Variants in POLA1 observed in about 807,000 individuals in gnomAD.
POLA1 encodes DNA polymerase alpha catalytic subunit.
In POLA1, 15 loss-of-function variants were observed where a neutral mutation model predicts 124.0. That is an observed-to-expected ratio of 0.12 (90% CI 0.08 to 0.19). The LOEUF (loss-of-function observed/expected upper bound fraction) is 0.19. POLA1 is among the 10% of genes least tolerant of loss of function. POLA1 has a pLI of 1.00. For synonymous variants in POLA1, 408 were observed against 389.4 expected, an observed-to-expected ratio of 1.05 and a Z score of -0.56; for missense variants, 886 against 1,103.4, an observed-to-expected ratio of 0.80 and a Z score of 2.79.
At chrX:24,750,055 C>T (rs1343533489) in intron 26 of POLA1, among the ~76,000 whole-genome samples, 3 of 111,656 alleles carry the variant, frequency 2.7e-5, no homozygotes, top group Non-Finnish European at 5.6e-5. Context: ...GCCATCGGGG[C>T]AAATGCAGCC....
At chrX:24,728,389 A>G (rs1365132467) in intron 15 of POLA1, among the ~76,000 whole-genome samples, 1 of 112,013 alleles carries the variant, frequency 8.9e-6, no homozygotes, top group Non-Finnish European at 1.9e-5. Flanking sequence ...TAGCACACCT[A>G]ATAACATTAA....
chrX:24,717,315 A>G lies in POLA1; in HGVS notation c.732A>G (p.Thr244=). The change falls in exon 9 of 37, where the codon ACA becomes ACG. Residue 244 remains threonine (T), a synonymous_variant. Transcript: ENST00000379068. The stretch of plus-strand genomic sequence containing the variant: ...GCGATGATGTACAGGTCGAGAGTAC[A>G]GAAGAAGAGCAGGAGTCAGGGGCAA... ...FAGDDVQVES[T]EEEQESGAME... is the part of the protein sequence containing the mutation. 8.3e-7 allele frequency: 1 copy of G among 1,210,292 alleles called. No homozygotes were observed. The highest frequency in any genetic ancestry group is 3.0e-5 in the East Asian group (1 of 33,836).
At chrX:24,970,230 G>T (rs898297793) in intron 36 of POLA1, among the ~76,000 whole-genome samples, 3 of 111,978 alleles carry the variant, frequency 2.7e-5, no homozygotes, top group African/African-American at 9.7e-5. Context: ...TTAATAAATG[G>T]TGCTGGGAGA....
chrX:24,900,556 G>A (rs2047264613), intron 35 of POLA1, among the ~76,000 whole-genome samples: 1 of 112,301 alleles, frequency 8.9e-6, no homozygotes, highest in African/African-American at 3.2e-5. Context: ...ACTGTGAAAT[G>A]TGTAACAAAA....
intron 29 of POLA1, among the ~76,000 whole-genome samples, chrX:24,814,014 T>C (rs899382928): frequency 9.0e-6 from 1 of 111,583 alleles, no homozygotes; most frequent in African/African-American, 3.3e-5. Flanking sequence ...CAATTATTGC[T>C]TCTGCAAAAC....
intron 16 of POLA1, among the ~76,000 whole-genome samples, chrX:24,733,206 G>C (rs776712389): frequency 5.2e-4 from 58 of 111,970 alleles, no homozygotes; most frequent in Non-Finnish European, 4.7e-4. Flanking sequence ...TTGTTGTGAA[G>C]TTTTCCCCCT....
intron 10 of POLA1, among the ~76,000 whole-genome samples, chrX:24,720,176 C>T (rs1001764360): frequency 3.6e-5 from 4 of 112,020 alleles, no homozygotes; most frequent in Non-Finnish European, 7.5e-5. Flanking sequence ...GGAATGTGCT[C>T]ATCTGACTCA....
intron 34 of POLA1, among the ~76,000 whole-genome samples, chrX:24,880,095 C>G (rs745305741): frequency 9.0e-6 from 1 of 111,459 alleles, no homozygotes; most frequent in Non-Finnish European, 1.9e-5. Flanking sequence ...AATATACAAT[C>G]GCTGAGGCTG....
At position 24,812,809 on chromosome X, in the gene POLA1, A is replaced by G; in HGVS notation, c.3242A>G (p.Lys1081Arg). 1 of 1,206,012 alleles carries G rather than the reference A, an allele frequency of 8.3e-7. No individual in the cohort carries two copies. Among genetic ancestry groups the G allele is most frequent in the Non-Finnish European group, 1.1e-6 (1 of 890,444 alleles). ...AATTATGTCACCAAACAGGAGCTCA[A>G]AGGATTAGATATAGTTAGAAGAGAT... The part of the protein sequence containing the change: ...DGNYVTKQEL[K>R]GLDIVRRDWC... The change falls in exon 29 of 37, where the codon AAA (lysine) becomes AGA (arginine). Residue 1081 changes from lysine to arginine, a missense_variant. By Grantham distance (26) the Lys-to-Arg change is conservative. Transcript: ENST00000379068.
chrX:24,715,718 G>A (rs1474972643), intron 6 of POLA1, among the ~76,000 whole-genome samples: 1 of 111,827 alleles, frequency 8.9e-6, no homozygotes, highest in African/African-American at 3.2e-5. Flanking sequence ...TGTTAGAGCT[G>A]TGTGATTATG....
intron 34 of POLA1, among the ~76,000 whole-genome samples, chrX:24,848,726 A>C (rs2046508345): frequency 8.9e-6 from 1 of 112,245 alleles, no homozygotes; most frequent in East Asian, 2.8e-4. Flanking sequence ...ACAATACTTG[A>C]AAAAGGGTAA....
At chrX:24,707,308 C>G (rs1000081341) in intron 4 of POLA1, among the ~76,000 whole-genome samples, 7 of 112,334 alleles carry the variant, frequency 6.2e-5, no homozygotes, top group Non-Finnish European at 9.4e-5. Flanking sequence ...GTGAGCTTCT[C>G]AAAGAAAGGA....
intron 35 of POLA1, among the ~76,000 whole-genome samples, chrX:24,898,002 G>C (rs1490534327): frequency 8.9e-6 from 1 of 112,353 alleles, no homozygotes; most frequent in Non-Finnish European, 1.9e-5. Flanking sequence ...ATTGTGCCCA[G>C]ATTAAATGGG....
At position 24,735,735 on chromosome X, in the gene POLA1, C is replaced by A. The variant is rs527989956; in HGVS notation, c.1923+247C>A. On this transcript the variant is annotated intron_variant, in intron 18 of 36. Transcript: ENST00000379068. ...GTTAAGGATTGTCTGGCTATTTATG[C>A]TTAGAGACCAGCACATAAATAAGTA... Among the ~76,000 whole-genome samples the A allele has an allele frequency of 6.3e-5, 7 of 111,211 alleles. No homozygotes were observed. In the South Asian group the frequency reaches 2.7e-3, roughly 42 times the overall value.
intron 17 of POLA1, 135 bp downstream of exon 17, chrX:24,733,951 C>T: frequency 5.1e-6 from 2 of 393,565 alleles, no homozygotes; most frequent in Admixed American, 9.2e-5. Context: ...GACATCGACC[C>T]ATTAAAATGT....
chrX:24,954,418 A>G (rs1262965746), intron 36 of POLA1, among the ~76,000 whole-genome samples: 3 of 112,172 alleles, frequency 2.7e-5, no homozygotes, highest in Non-Finnish European at 5.6e-5. Flanking sequence ...TAGATTCGTC[A>G]CTCTTGGCTT....
Position 24,826,592 on chromosome X carries a change from A to T in POLA1, c.3727A>T (p.Thr1243Ser). Residue 1243 changes from threonine to serine, a missense_variant, in exon 32 of 37, where the codon ACG becomes TCG. Coordinates refer to ENST00000379068, the MANE Select transcript of POLA1 (RefSeq NM_001330360.2). ...IDGIDAVLIA[T>S]WLGLDPTQFR... The stretch of plus-strand genomic sequence containing the variant: ...CGGAATTGATGCTGTCCTCATTGCA[A>T]CGTGGTTGGGTAAGTGTCCCAAGCT... 5 of 1,194,197 alleles carry T rather than the reference A, an allele frequency of 4.2e-6. No homozygotes were observed. Among genetic ancestry groups the T allele is most frequent in the Non-Finnish European group, 5.7e-6 (5 of 884,141 alleles).
intron 35 of POLA1, among the ~76,000 whole-genome samples, chrX:24,891,271 G>C (rs2047140085): frequency 1.8e-5 from 2 of 111,387 alleles, no homozygotes; most frequent in African/African-American, 6.5e-5. Context: ...TTCCCAAGGA[G>C]AAGCTTTCAT....
At chrX:24,813,775 T>C (rs753746218) in intron 29 of POLA1, among the ~76,000 whole-genome samples, 44 of 101,421 alleles carry the variant, frequency 4.3e-4, no homozygotes, top group South Asian at 3.7e-3. Context: ...GATTGCACCA[T>C]TGCACTCCAG....
Sources: gnomAD v4.1 joint callset for allele counts (sites outside exome capture counted in the v4.1 genomes callset) on GRCh38, gnomAD v4.1.1 for gene constraint, MANE v1.5 for transcripts, NCBI Gene and HGNC (gene_info 2026-07-23, HGNC 2026-07-21) for gene names.